UGT1A10: variants seen among roughly 807,000 people sequenced by gnomAD.
UGT1A10 encodes UDP-glucuronosyltransferase 1A10.
Under a neutral mutation model 45.8 loss-of-function variants are expected in UGT1A10, and 49 were observed. The observed-to-expected ratio is 1.07, with a 90% confidence interval of 0.85 to 1.36. The LOEUF (loss-of-function observed/expected upper bound fraction) is 1.36, where lower values mean the gene tolerates loss of function less well. Ranked by LOEUF, UGT1A10 falls within the 40% of genes most tolerant of loss-of-function variation. The pLI is 0.00. For missense variants in UGT1A10, 745 were observed against 668.6 expected, an observed-to-expected ratio of 1.11 and a Z score of -1.26; for synonymous variants, 284 against 249.7, an observed-to-expected ratio of 1.14 and a Z score of -1.29.
At chr2:233,765,924 G>C (rs1285485148) in intron 1 of UGT1A10, among the ~76,000 whole-genome samples, 1 of 152,060 alleles carries the variant, frequency 6.6e-6, no homozygotes, top group East Asian at 1.9e-4. Context: ...GCATACAGAC[G>C]GGCAGGTTGT....
chr2:233,713,979 T>C, intron 1 of UGT1A10: 1 of 1,594,106 alleles, frequency 6.3e-7, no homozygotes, highest in South Asian at 1.1e-5. Context: ...CTGCTTCTCA[T>C]TGTTGTAATA....
Position 233,719,416 on chromosome 2 carries a change from C to T in UGT1A10, c.856-47618C>T, listed in dbSNP as rs538242607. ...TCCTCCTATATTCCTAAGTTACTAA[C>T]GACCAATTCAGACCACATGACATTC... is the stretch of plus-strand genomic sequence containing the variant. On this transcript the variant is annotated intron_variant, in intron 1 of 4. Coordinates refer to ENST00000344644, the MANE Select transcript of UGT1A10 (RefSeq NM_019075.4). The T allele has an allele frequency of 6.1e-5, 98 of 1,613,984 alleles. 1 individual carries two copies. The Admixed American group carries it at 9.0e-4, about 15-fold the overall frequency.
intron 1 of UGT1A10, chr2:233,691,404 T>C: frequency 1.0e-6 from 1 of 985,574 alleles, no homozygotes; most frequent in Non-Finnish European, 1.2e-6. Context: ...AGCCCTGTCC[T>C]TGGAGTGGCC....
At chr2:233,676,636 C>CT (rs1306474758) in intron 1 of UGT1A10, among the ~76,000 whole-genome samples, 2 of 152,186 alleles carry the variant, frequency 1.3e-5, no homozygotes, top group African/African-American at 2.4e-5. Flanking sequence ...TTCTCAGACT[C>CT]TCCTTGTTTT....
Position 233,713,133 on chromosome 2 carries a change from T to G in UGT1A10, c.856-53901T>G, listed in dbSNP as rs775185611. On this transcript the variant is annotated intron_variant, in intron 1 of 4. Coordinates refer to ENST00000344644, the MANE Select transcript of UGT1A10 (RefSeq NM_019075.4). ...CCACTGGCTCAGCATGCGGGAGGCCTTGCGGGACCTCCATGCGAGAGGCCA... is the reference window on the plus strand; with the variant it reads ...CCACTGGCTCAGCATGCGGGAGGCCGTGCGGGACCTCCATGCGAGAGGCCA... 1.1e-5 allele frequency: 17 copies of G among 1,614,082 alleles called. No individual in the cohort carries two copies. In the South Asian group the frequency reaches 1.3e-4, roughly 13 times the overall value.
intron 1 of UGT1A10, chr2:233,647,977 C>T (rs1200707251): frequency 1.4e-5 from 22 of 1,608,196 alleles, no homozygotes; most frequent in Non-Finnish European, 2.6e-6. Context: ...GGTGGAGAAA[C>T]TCATTCTCAG....
rs2077836996 is a variant in UGT1A10 at position 233,729,318 on chromosome 2, G to C, written c.856-37716G>C. The stretch of plus-strand genomic sequence containing the variant: ...ACCAGGCAGTGGTCCTCACCCCAGA[G>C]GTGAATATGCACATCAAAGAAGAGA... On this transcript the variant is annotated intron_variant, in intron 1 of 4. Transcript: ENST00000344644. 5 of 1,614,128 alleles carry C rather than the reference G, an allele frequency of 3.1e-6. No homozygotes were observed. In the Middle Eastern group the frequency reaches 6.6e-4, roughly 212 times the overall value.
chr2:233,690,902 G>A (rs2075020520), intron 1 of UGT1A10: 1 of 1,031,348 alleles, frequency 9.7e-7, no homozygotes, highest in Non-Finnish European at 1.2e-6. Context: ...GGTATGCATA[G>A]TGATGTTAGT....
chr2:233,684,753 G>T (rs1333978676), intron 1 of UGT1A10, among the ~76,000 whole-genome samples: 1 of 152,046 alleles, frequency 6.6e-6, no homozygotes, highest in African/African-American at 2.4e-5. Context: ...TATCAAAGAA[G>T]AATTCAGATC....
At chr2:233,759,068 T>G (rs1168767781) in intron 1 of UGT1A10, among the ~76,000 whole-genome samples, 1 of 152,198 alleles carries the variant, frequency 6.6e-6, no homozygotes, top group African/African-American at 2.4e-5. Flanking sequence ...GAAAAGGAAT[T>G]TGGAAGAAAG....
chr2:233,672,999 A>C (rs1016056771), intron 1 of UGT1A10, among the ~76,000 whole-genome samples: 3 of 152,210 alleles, frequency 2.0e-5, no homozygotes, highest in Admixed American at 6.5e-5. Flanking sequence ...TAACTTATAA[A>C]ATTGTGGAAC....
chr2:233,691,883 G>A, intron 1 of UGT1A10: 1 of 154,858 alleles, frequency 6.5e-6, no homozygotes, highest in South Asian at 2.1e-4. Context: ...GTTTGTCTTT[G>A]TTTCCTGGAC....
intron 1 of UGT1A10, among the ~76,000 whole-genome samples, chr2:233,660,222 T>A (rs1365725731): frequency 6.6e-6 from 1 of 152,230 alleles, no homozygotes; most frequent in Non-Finnish European, 1.5e-5. Flanking sequence ...CCTTCTAGAT[T>A]TTCATGATGT....
chr2:233,646,620 C>G (rs2073610369), intron 1 of UGT1A10, among the ~76,000 whole-genome samples: 1 of 152,158 alleles, frequency 6.6e-6, no homozygotes, highest in Admixed American at 6.5e-5. Flanking sequence ...CTGCCAGTCT[C>G]TTTGCTAAAA....
chr2:233,641,110 T>C (rs1023138912), intron 1 of UGT1A10, among the ~76,000 whole-genome samples: 1 of 152,194 alleles, frequency 6.6e-6, no homozygotes, highest in African/African-American at 2.4e-5. Context: ...AGCACCATCC[T>C]ATAAAATCCT....
intron 1 of UGT1A10, among the ~76,000 whole-genome samples, chr2:233,662,222 G>T (rs1055788436): frequency 2.6e-5 from 4 of 152,168 alleles, no homozygotes; most frequent in African/African-American, 9.7e-5. Context: ...AAATAGATTT[G>T]TGTCTATAAT....
At chr2:233,660,963 T>G (rs2073950846) in intron 1 of UGT1A10, among the ~76,000 whole-genome samples, 2 of 152,142 alleles carry the variant, frequency 1.3e-5, no homozygotes, top group Non-Finnish European at 2.9e-5. Flanking sequence ...CTTTATATCC[T>G]TCAGTTTTAT....
intron 1 of UGT1A10, chr2:233,649,125 T>A (rs1378014601): frequency 1.4e-6 from 1 of 698,400 alleles, no homozygotes; most frequent in Non-Finnish European, 2.0e-6. Context: ...GTTTGTTGCA[T>A]CTAAAATTTC....
Position 233,657,223 on chromosome 2 carries a change from C to T in UGT1A10, c.855+19846C>T, listed in dbSNP as rs76514227. Among the ~76,000 whole-genome samples, 48 of 152,318 alleles carry T rather than the reference C, an allele frequency of 3.2e-4. 1 individual carries two copies. In the East Asian group the frequency reaches 8.5e-3, roughly 27 times the overall value. ...CCTGGCTCATGGGCTTTATTTTATG[C>T]CACTCTTCATGCTCAGAAGCACCTG... On this transcript the variant is annotated intron_variant, in intron 1 of 4. Coordinates refer to ENST00000344644, the MANE Select transcript of UGT1A10 (RefSeq NM_019075.4).
Sources: gnomAD v4.1 joint callset for allele counts (sites outside exome capture counted in the v4.1 genomes callset) on GRCh38, gnomAD v4.1.1 for gene constraint, MANE v1.5 for transcripts, NCBI Gene and HGNC (gene_info 2026-07-23, HGNC 2026-07-21) for gene names.